EGF: variants seen among roughly 807,000 people sequenced by gnomAD.
The protein encoded by EGF is pro-epidermal growth factor.
A neutral mutation model predicts 143.8 loss-of-function variants in EGF; 95 were observed. The observed-to-expected ratio is 0.66, with a 90% CI of 0.56 to 0.78. The LOEUF (loss-of-function observed/expected upper bound fraction) is 0.78. EGF is among the 30% of genes least tolerant of loss of function. The pLI is 0.00. For synonymous variants in EGF, 510 were observed against 510.5 expected, an observed-to-expected ratio of 1.00 and a Z score of 0.01; for missense variants, 1,320 against 1,470.9, an observed-to-expected ratio of 0.90 and a Z score of 1.68.
chr4:109,978,181 A>G (rs1748799439), intron 13 of EGF, among the ~76,000 whole-genome samples: 1 of 152,232 alleles, frequency 6.6e-6, no homozygotes, highest in Admixed American at 6.5e-5. Context: ...CACAAAAATG[A>G]TAACTGAGGT....
chr4:109,983,946 T>C (rs1214114157), intron 16 of EGF, among the ~76,000 whole-genome samples: 1 of 152,228 alleles, frequency 6.6e-6, no homozygotes, highest in South Asian at 2.1e-4. Context: ...AGCACTTCAA[T>C]TGCTGCAGAA....
intron 16 of EGF, among the ~76,000 whole-genome samples, chr4:109,986,799 C>T (rs1750188599): frequency 6.6e-6 from 1 of 151,746 alleles, no homozygotes; most frequent in African/African-American, 2.4e-5. Context: ...ACTCTGTTCC[C>T]CAGGGCACTT....
rs904346799 is a variant in EGF, at chr4:109,963,090, T to C, written c.1313-83T>C. 170 of 1,474,608 alleles carry C rather than the reference T, an allele frequency of 1.2e-4. 4 individuals are homozygous for C. In the Admixed American group the frequency reaches 3.1e-3, roughly 27 times the overall value. 91.3% of individuals were successfully genotyped at this position (1,474,608 alleles called of 1,614,324 possible). On this transcript the variant is annotated intron_variant, in intron 8 of 23. Transcript: ENST00000265171. ...AAAAAAAAAAAAAAAAATTAACAAA[T>C]GGTTGACTCGCCCCCATCCTTTGAT...
At chr4:109,997,738 C>T (rs1370312090) in intron 20 of EGF, among the ~76,000 whole-genome samples, 1 of 152,128 alleles carries the variant, frequency 6.6e-6, no homozygotes, top group Non-Finnish European at 1.5e-5. Flanking sequence ...TGGTACACAT[C>T]TGTATTTCCA....
At chr4:110,002,172 G>A (rs12507356) in intron 21 of EGF, among the ~76,000 whole-genome samples, 12,727 of 152,092 alleles carry the variant, frequency 0.084, 1,327 homozygotes, top group East Asian at 0.41. Context: ...GTTTGATACC[G>A]TTTGTCTTCT....
intron 15 of EGF, among the ~76,000 whole-genome samples, chr4:109,982,327 TTTTTC>T (rs911050715): frequency 6.6e-6 from 1 of 150,676 alleles, no homozygotes; most frequent in Non-Finnish European, 1.5e-5. Context: ...TTTCTTTTTC[TTTTTC>T]TTTTAATTTT....
At chr4:109,924,288 T>C (rs1319138867) in intron 1 of EGF, among the ~76,000 whole-genome samples, 2 of 151,472 alleles carry the variant, frequency 1.3e-5, no homozygotes, top group Non-Finnish European at 1.5e-5. Flanking sequence ...CCAAGACTGA[T>C]TGTTGAAAGT....
At chr4:110,010,218 C>T (rs893488791) in intron 23 of EGF, among the ~76,000 whole-genome samples, 2 of 152,104 alleles carry the variant, frequency 1.3e-5, no homozygotes, top group African/African-American at 4.8e-5. Context: ...GAGATCTCAA[C>T]ACTGCACTCC....
At chr4:109,975,078 T>C (rs540668116) in intron 12 of EGF, among the ~76,000 whole-genome samples, 34 of 152,344 alleles carry the variant, frequency 2.2e-4, no homozygotes, top group African/African-American at 7.7e-4. Flanking sequence ...ATTCATCTAC[T>C]TTCTTTAAAA....
intron 18 of EGF, among the ~76,000 whole-genome samples, chr4:109,992,173 A>T (rs1293221982): frequency 1.4e-5 from 1 of 69,172 alleles, no homozygotes; most frequent in African/African-American, 6.2e-5. Context: ...GATTCTTTAA[A>T]AAAAAAAAAA....
intron 22 of EGF, among the ~76,000 whole-genome samples, chr4:110,005,151 TCCTCCCAGCTCAG>T (rs1753105725): frequency 2.2e-5 from 3 of 135,846 alleles, no homozygotes; most frequent in South Asian, 5.3e-4. Flanking sequence ...GCTCAAACAA[TCCTCCCAGCTCAG>T]CCTCCCAAAT....
intron 19 of EGF, 26 bp downstream of exon 19, chr4:109,993,395 A>C (rs745323545): frequency 5.6e-5 from 91 of 1,612,308 alleles, no homozygotes; most frequent in Non-Finnish European, 7.3e-5. Flanking sequence ...GTCTACAGTG[A>C]AGGGGAGGGA....
intron 21 of EGF, chr4:110,001,603 G>A (rs574141543): frequency 1.0e-6 from 1 of 985,256 alleles, no homozygotes; most frequent in South Asian, 4.7e-5. Context: ...TATTTGTTGT[G>A]TTATGATATA....
chr4:109,943,488 T>G (rs764873696), intron 3 of EGF, 53 bp downstream of exon 3: 2 of 1,570,178 alleles, frequency 1.3e-6, no homozygotes, highest in Non-Finnish European at 1.8e-6. Flanking sequence ...CTAGTGAAGA[T>G]TGATAGAATT....
chr4:109,937,542 A>G (rs555797022), intron 1 of EGF, among the ~76,000 whole-genome samples: 3 of 152,150 alleles, frequency 2.0e-5, no homozygotes, highest in African/African-American at 7.2e-5. Context: ...TTTACATTTA[A>G]GGTTAATATT....
intron 21 of EGF, chr4:110,004,286 G>T: frequency 1.7e-6 from 1 of 588,866 alleles, no homozygotes. Flanking sequence ...ACAGAACCTT[G>T]GAAAGAGTGA....
At chr4:109,993,222 T>C (rs1751281251) in intron 18 of EGF, 25 bp from the exon 19 acceptor site, 1 of 1,612,884 alleles carries the variant, frequency 6.2e-7, no homozygotes, top group Admixed American at 1.7e-5. Context: ...CACTTTTCTC[T>C]CCCGTACTCT....
intron 13 of EGF, chr4:109,977,319 T>C (rs1465446193): frequency 6.6e-6 from 1 of 152,178 alleles, no homozygotes; most frequent in Non-Finnish European, 1.5e-5. Flanking sequence ...TGGCTTAAGA[T>C]AAGTATAATT....
intron 1 of EGF, among the ~76,000 whole-genome samples, chr4:109,919,192 T>C (rs1380328540): frequency 6.6e-6 from 1 of 152,176 alleles, no homozygotes; most frequent in Non-Finnish European, 1.5e-5. Context: ...AAAGTAATCA[T>C]TTTTCTTTTC....
Sources: gnomAD v4.1 joint callset for allele counts (sites outside exome capture counted in the v4.1 genomes callset) on GRCh38, gnomAD v4.1.1 for gene constraint, MANE v1.5 for transcripts, NCBI Gene and HGNC (gene_info 2026-07-23, HGNC 2026-07-21) for gene names.